PRXL2C: variants seen among roughly 807,000 people sequenced by gnomAD.
PRXL2C encodes peroxiredoxin-like 2C.
Under a neutral mutation model 24.9 loss-of-function variants are expected in PRXL2C, and 38 were observed. The observed-to-expected ratio is 1.53, with a 90% CI of 1.18 to 2.00. The LOEUF is 2.00. Among genes scored for constraint, PRXL2C ranks in the 30% most tolerant of loss-of-function variants. PRXL2C has a pLI of 0.00. For synonymous variants in PRXL2C, 98 were observed against 117.2 expected, an observed-to-expected ratio of 0.84 and a Z score of 1.06; for missense variants, 294 against 290.9, an observed-to-expected ratio of 1.01 and a Z score of -0.08.
intron 2 of PRXL2C, among the ~76,000 whole-genome samples, chr9:96,654,102 A>C (rs1281358816): frequency 1.3e-5 from 2 of 152,190 alleles, no homozygotes; most frequent in Non-Finnish European, 2.9e-5. Flanking sequence ...GGCCTCCCAA[A>C]GTGCTGGGAT....
At chr9:96,646,595 G>A (rs1848203752) in intron 4 of PRXL2C, among the ~76,000 whole-genome samples, 1 of 152,190 alleles carries the variant, frequency 6.6e-6, no homozygotes, top group Non-Finnish European at 1.5e-5. Context: ...GGCAAGGCAT[G>A]TGACTATGTT....
chr9:96,641,624 C>A lies in PRXL2C; in HGVS notation c.*135G>T, dbSNP rs570683294. The stretch of plus-strand genomic sequence containing the variant: ...CAGCATGCAATTCAACAGGTTCAAG[C>A]CCCCTTTATGCTTCCCTAACTCCTC... On this transcript the variant is annotated 3_prime_UTR_variant, in exon 6 of 6. Coordinates refer to ENST00000375234, the MANE Select transcript of PRXL2C (RefSeq NM_153698.2). 8 of 817,624 alleles carry A rather than the reference C, an allele frequency of 9.8e-6. No homozygotes were observed. The South Asian group carries it at 2.8e-4, about 29-fold the overall frequency. The allele number at this position is 817,624 out of a possible 1,614,324, so 50.6% of individuals were successfully genotyped here. A position where few individuals can be genotyped will look rare whatever the true frequency, so the allele number is the denominator to read the frequency against.
In PRXL2C at chr9:96,654,718, C is replaced by A; in HGVS notation, c.248G>T (p.Arg83Met). ...EYVEDLAKIP[R>M]SFLQEANVTL... ...TGGGAAACTCACTTGTAAGAAACTC[C>A]TGGGGATTTTGGCCAGATCCTCTAC... The change falls in exon 2 of 6, where the codon AGG becomes ATG. Residue 83 changes from arginine to methionine, a missense_variant. Physicochemically the swap from Arg to Met is moderately conservative, Grantham distance 91. Coordinates refer to ENST00000375234, the MANE Select transcript of PRXL2C (RefSeq NM_153698.2). 6.4e-7 allele frequency: 1 copy of A among 1,564,910 alleles called. No individual in the cohort carries two copies. The highest frequency in any genetic ancestry group is 2.3e-5 in the East Asian group (1 of 42,810).
intron 5 of PRXL2C, among the ~76,000 whole-genome samples, chr9:96,642,619 C>T (rs1848134565): frequency 6.7e-6 from 1 of 150,216 alleles, no homozygotes; most frequent in South Asian, 2.1e-4. Flanking sequence ...GATCTCGGCT[C>T]ACTGCAACCT....
At chr9:96,645,750 T>G in intron 5 of PRXL2C, 143 bp downstream of exon 5, 1 of 907,632 alleles carries the variant, frequency 1.1e-6, no homozygotes, top group Non-Finnish European at 1.6e-6. Flanking sequence ...TGAGCCGAGA[T>G]TGCGCCACTG....
chr9:96,650,667 G>A (rs1848253873), intron 4 of PRXL2C, among the ~76,000 whole-genome samples: 1 of 151,664 alleles, frequency 6.6e-6, no homozygotes, highest in African/African-American at 2.4e-5. Context: ...ATGGTACTGA[G>A]GTATAAAATT....
chr9:96,642,005 G>T, intron 5 of PRXL2C, 119 bp from the exon 6 acceptor site: 1 of 756,840 alleles, frequency 1.3e-6, no homozygotes, highest in Non-Finnish European at 1.9e-6. Flanking sequence ...TTAATTACCT[G>T]GAGTGCATTA....
chr9:96,653,181 C>T (rs890568931), intron 2 of PRXL2C, among the ~76,000 whole-genome samples: 2 of 150,798 alleles, frequency 1.3e-5, no homozygotes, highest in Non-Finnish European at 2.9e-5. Flanking sequence ...GAGCTGAGAT[C>T]GCGCCACTGC....
At chr9:96,642,718 G>A (rs1165360047) in intron 5 of PRXL2C, among the ~76,000 whole-genome samples, 1 of 151,938 alleles carries the variant, frequency 6.6e-6, no homozygotes, top group East Asian at 1.9e-4. Context: ...GCTAATTTTT[G>A]TATTTTGAGT....
At chr9:96,651,110 C>G (rs185080577) in intron 4 of PRXL2C, among the ~76,000 whole-genome samples, 3 of 152,028 alleles carry the variant, frequency 2.0e-5, no homozygotes, top group African/African-American at 7.2e-5. Flanking sequence ...AACCCTGTCT[C>G]TACTAAAAAT....
rs967454713 is a variant in PRXL2C, at chr9:96,651,503, G to T, written c.316-8C>A. On this transcript the variant is annotated splice_region_variant and splice_polypyrimidine_tract_variant and intron_variant, in intron 3 of 5. Transcript: ENST00000375234. Reference sequence around the variant, plus strand: ...AGTCAGCTTGCAAAAAGGCTGAAAAGAGAGAATGGTTGGAATTTTTACAAG... The same window carrying T: ...AGTCAGCTTGCAAAAAGGCTGAAAATAGAGAATGGTTGGAATTTTTACAAG... 4.4e-6 allele frequency: 7 copies of T among 1,604,876 alleles called. No individual in the cohort carries two copies. The Admixed American group carries it at 6.9e-5, about 16-fold the overall frequency.
chr9:96,647,945 C>G (rs1218183075), intron 4 of PRXL2C, among the ~76,000 whole-genome samples: 2 of 150,908 alleles, frequency 1.3e-5, no homozygotes, highest in African/African-American at 4.9e-5. Context: ...AATCCGTCAC[C>G]CAGGCGGGAG....
Position 96,655,251 on chromosome 9 carries a change from C to A in PRXL2C, c.31G>T (p.Val11Phe). 9.0e-7 allele frequency: 1 copy of A among 1,114,368 alleles called. No homozygotes were observed. Among genetic ancestry groups the A allele is most frequent in the Non-Finnish European group, 1.1e-6 (1 of 914,080 alleles). 69.0% of individuals were successfully genotyped at this position (1,114,368 alleles called of 1,614,324 possible). ...GGGACCAGGGCGGCGGCGCCGCTAA[C>A]CTGCCGCGTGACCGGGGCCGGCGCG... is the stretch of plus-strand genomic sequence containing the variant. MAAPAPVTRQ[V>F]SGAAALVPAP... is the part of the protein sequence containing the mutation. Residue 11 changes from valine (V) to phenylalanine (F), a missense_variant, in exon 1 of 6, where the codon GTT becomes TTT. Coordinates refer to ENST00000375234, the MANE Select transcript of PRXL2C (RefSeq NM_153698.2).
intron 2 of PRXL2C, 94 bp downstream of exon 2, chr9:96,654,611 G>A: frequency 8.6e-7 from 1 of 1,160,710 alleles, no homozygotes; most frequent in Non-Finnish European, 1.2e-6. Flanking sequence ...GGGCAATCCA[G>A]GCTGCAAGTT....
At position 96,641,528 on chromosome 9, in the gene PRXL2C, ATTT is replaced by A. The variant is rs145187742; in HGVS notation, c.*228_*230del. On this transcript the variant is annotated 3_prime_UTR_variant, in exon 6 of 6. Coordinates refer to ENST00000375234, the MANE Select transcript of PRXL2C (RefSeq NM_153698.2). ...TTTTAAAGTTATATTTTGTATATTC[ATTT>A]TTTTTGTATAAAATGTTAAAAGTTA... The A allele has an allele frequency of 1.0e-4, 34 of 330,270 alleles. No homozygotes were observed. The highest frequency in any genetic ancestry group is 6.4e-4 in the African/African-American group (30 of 47,194). The allele number at this position is 330,270 out of a possible 1,614,324, so 20.5% of individuals were successfully genotyped here.
intron 4 of PRXL2C, among the ~76,000 whole-genome samples, chr9:96,650,963 C>A (rs532447993): frequency 2.6e-5 from 4 of 152,066 alleles, no homozygotes; most frequent in Non-Finnish European, 5.9e-5. Context: ...TCTTCTGGAG[C>A]CTGGTGTATC....
intron 5 of PRXL2C, among the ~76,000 whole-genome samples, chr9:96,645,100 G>A (rs374194084): frequency 1.5e-4 from 22 of 150,692 alleles, no homozygotes; most frequent in South Asian, 6.3e-4. Context: ...TAGTAGAGAC[G>A]GGGTTTCACC....
chr9:96,645,290 G>A (rs527649240), intron 5 of PRXL2C, among the ~76,000 whole-genome samples: 1 of 152,012 alleles, frequency 6.6e-6, no homozygotes, highest in African/African-American at 2.4e-5. Flanking sequence ...TTCCTAAATA[G>A]CGGAGTGTGT....
chr9:96,643,749 A>C (rs940166790), intron 5 of PRXL2C, among the ~76,000 whole-genome samples: 25 of 152,176 alleles, frequency 1.6e-4, no homozygotes. Context: ...TTATAAATTC[A>C]TGAGAGGGAG....
Sources: gnomAD v4.1 joint callset for allele counts (sites outside exome capture counted in the v4.1 genomes callset) on GRCh38, gnomAD v4.1.1 for gene constraint, MANE v1.5 for transcripts, NCBI Gene and HGNC (gene_info 2026-07-23, HGNC 2026-07-21) for gene names.